HIVEP3: variants seen among roughly 807,000 people sequenced by gnomAD.
The protein encoded by HIVEP3 is transcription factor HIVEP3.
A neutral mutation model predicts 152.8 loss-of-function variants in HIVEP3; 49 were observed. The observed-to-expected ratio is 0.32, with a 90% confidence interval of 0.26 to 0.41. HIVEP3 has a LOEUF of 0.41. Among genes scored for constraint, HIVEP3 ranks in the 10% least tolerant of loss-of-function variants. The pLI is 1.00. For missense variants in HIVEP3, 2,790 were observed against 3,103.3 expected, an observed-to-expected ratio of 0.90 and a Z score of 2.40; for synonymous variants, 1,269 against 1,289.0, an observed-to-expected ratio of 0.98 and a Z score of 0.33.
At chr1:41,650,540 G>C (rs1324051302) in intron 2 of HIVEP3, among the ~76,000 whole-genome samples, 1 of 144,526 alleles carries the variant, frequency 6.9e-6, no homozygotes, top group Non-Finnish European at 1.5e-5. Flanking sequence ...TTATTTTCTT[G>C]GGTTTTCTTT....
intron 1 of HIVEP3, among the ~76,000 whole-genome samples, chr1:41,702,527 T>G (rs1360700219): frequency 6.6e-6 from 1 of 152,232 alleles, no homozygotes; most frequent in East Asian, 1.9e-4. Context: ...TTCATTGAAT[T>G]GTAATGACTA....
At chr1:41,540,903 C>T (rs1005983740) in intron 5 of HIVEP3, among the ~76,000 whole-genome samples, 2 of 143,270 alleles carry the variant, frequency 1.4e-5, no homozygotes, top group Non-Finnish European at 3.2e-5. Flanking sequence ...CTGGGCTGGA[C>T]TCCAGGTCCA....
chr1:41,824,784 TAGAG>T (rs397979993), intron 1 of HIVEP3, among the ~76,000 whole-genome samples: 20 of 11,384 alleles, frequency 1.8e-3, no homozygotes, highest in African/African-American at 3.6e-3. Flanking sequence ...TATATATATA[TAGAG>T]AGAGAGAGAG....
At chr1:41,715,807 TATAATATCCTCAGCAGG>T in intron 1 of HIVEP3, among the ~76,000 whole-genome samples, 1 of 152,196 alleles carries the variant, frequency 6.6e-6, no homozygotes, top group South Asian at 2.1e-4. Flanking sequence ...GCTTCATGCC[TATAATATCCTCAGCAGG>T]CAGCCCTGTC....
upstream of HIVEP3, among the ~76,000 whole-genome samples, chr1:41,920,995 T>C (rs1311142587): frequency 7.9e-5 from 12 of 152,198 alleles, no homozygotes; most frequent in East Asian, 1.9e-4. Flanking sequence ...CCTTTAATTA[T>C]GCTGCTTTAA....
intron 1 of HIVEP3, among the ~76,000 whole-genome samples, chr1:41,901,991 G>A (rs961830479): frequency 1.3e-5 from 2 of 152,106 alleles, no homozygotes; most frequent in Admixed American, 6.5e-5. Context: ...AATACCTGTT[G>A]GGTATTGAAT....
chr1:41,720,083 G>A (rs977436155), intron 1 of HIVEP3, among the ~76,000 whole-genome samples: 3 of 152,216 alleles, frequency 2.0e-5, no homozygotes, highest in Non-Finnish European at 4.4e-5. Flanking sequence ...GGTTTCAGCT[G>A]AGTGGCCCTA....
intron 1 of HIVEP3, among the ~76,000 whole-genome samples, chr1:41,737,240 C>G (rs907453424): frequency 1.3e-5 from 2 of 152,186 alleles, no homozygotes; most frequent in African/African-American, 2.4e-5. Context: ...CATCTGCAAA[C>G]TGGGATGAAT....
intron 1 of HIVEP3, among the ~76,000 whole-genome samples, chr1:41,983,407 T>C (rs1645304849): frequency 6.6e-6 from 1 of 152,160 alleles, no homozygotes; most frequent in East Asian, 1.9e-4. Context: ...GTTCAAAACA[T>C]GATCACACTT....
At chr1:41,631,668 T>A (rs1161912339) in intron 2 of HIVEP3, among the ~76,000 whole-genome samples, 1 of 152,118 alleles carries the variant, frequency 6.6e-6, no homozygotes, top group Non-Finnish European at 1.5e-5. Context: ...CAGGGCAGCA[T>A]CGCAGCACCA....
intron 3 of HIVEP3, among the ~76,000 whole-genome samples, chr1:41,602,373 T>C (rs1467372588): frequency 6.6e-6 from 1 of 152,186 alleles, no homozygotes; most frequent in Non-Finnish European, 1.5e-5. Flanking sequence ...AGCTATCTGG[T>C]CCTGGGCTTT....
At position 41,511,274 on chromosome 1, in the gene HIVEP3, C is replaced by A; in HGVS notation, c.6406-8G>T. On this transcript the variant is annotated splice_polypyrimidine_tract_variant and splice_region_variant and intron_variant, in intron 8 of 8. Coordinates refer to ENST00000372583, the MANE Select transcript of HIVEP3 (RefSeq NM_024503.5). The surrounding 1 kb of genome is among the most constrained non-coding windows in gnomAD (Gnocchi z 4.9). ...TCGGGACTCGGCCTTCTGCTGGGGT[C>A]AGAAAACAAGACAAGGTAAGGTGAA... is the stretch of plus-strand genomic sequence containing the variant. 2 of 1,586,304 alleles carry A rather than the reference C, an allele frequency of 1.3e-6. No individual in the cohort carries two copies. Among genetic ancestry groups the A allele is most frequent in the South Asian group, 1.2e-5 (1 of 86,698 alleles).
chr1:41,724,676 G>A (rs572977960), intron 1 of HIVEP3, among the ~76,000 whole-genome samples: 2 of 152,348 alleles, frequency 1.3e-5, no homozygotes, highest in South Asian at 4.1e-4. Flanking sequence ...GCATTAAGAT[G>A]CTGATACCAT....
intron 1 of HIVEP3, among the ~76,000 whole-genome samples, chr1:41,949,080 T>C (rs894857893): frequency 6.6e-6 from 1 of 152,156 alleles, no homozygotes; most frequent in Non-Finnish European, 1.5e-5. Flanking sequence ...GGGTAACTCC[T>C]CCCACACAAA....
At chr1:41,527,446 A>C (rs1298244081) in intron 5 of HIVEP3, among the ~76,000 whole-genome samples, 4 of 83,200 alleles carry the variant, frequency 4.8e-5, no homozygotes, top group South Asian at 4.5e-4. Flanking sequence ...CCCCACCCTC[A>C]CCCTCACACC....
chr1:41,898,099 G>C (rs746235536), intron 1 of HIVEP3, among the ~76,000 whole-genome samples: 6 of 152,160 alleles, frequency 3.9e-5, no homozygotes, highest in Admixed American at 6.5e-5. Context: ...CACAATAAAG[G>C]AGTTGTTTAA....
intron 1 of HIVEP3, among the ~76,000 whole-genome samples, chr1:41,814,725 G>A (rs1409601633): frequency 2.0e-5 from 3 of 152,096 alleles, no homozygotes; most frequent in East Asian, 1.9e-4. Flanking sequence ...AGTGTGTTTC[G>A]GTTCCACAAA....
chr1:41,910,741 T>A (rs531611875), intron 1 of HIVEP3, among the ~76,000 whole-genome samples: 1 of 151,866 alleles, frequency 6.6e-6, no homozygotes, highest in South Asian at 2.1e-4. Context: ...AAGAAAAAAA[T>A]TATATAAATC....
intron 1 of HIVEP3, among the ~76,000 whole-genome samples, chr1:41,788,119 G>A (rs552180899): frequency 6.6e-6 from 1 of 152,158 alleles, no homozygotes; most frequent in Non-Finnish European, 1.5e-5. Flanking sequence ...CCCTGGGCCT[G>A]AGGACTGGAG....
Sources: gnomAD v4.1 joint callset for allele counts (sites outside exome capture counted in the v4.1 genomes callset) on GRCh38, gnomAD v4.1.1 for gene constraint, Gnocchi (gnomAD v3.1) non-coding constraint, MANE v1.5 for transcripts, NCBI Gene and HGNC (gene_info 2026-07-23, HGNC 2026-07-21) for gene names.